PCDHGB2: variants seen among roughly 807,000 people sequenced by gnomAD.
PCDHGB2 encodes the protein protocadherin gamma-B2.
A neutral mutation model predicts 59.3 loss-of-function variants in PCDHGB2; 55 were observed. The ratio of observed to expected loss-of-function variants is 0.93; its 90% CI spans 0.75 to 1.16. The LOEUF (loss-of-function observed/expected upper bound fraction) is 1.16, where lower values mean the gene tolerates loss of function less well. Ranked by LOEUF, PCDHGB2 falls within the 50% of genes most tolerant of loss-of-function variation. The pLI is 0.00. For missense variants in PCDHGB2, 1,228 were observed against 1,198.5 expected (o/e 1.02, Z -0.36); for synonymous variants, 516 against 512.0 (o/e 1.01, Z -0.11).
In PCDHGB2 at chr5:141,399,495, T is replaced by G. The variant is rs779594817; in HGVS notation, c.2421+36939T>G. On this transcript the variant is annotated intron_variant, in intron 1 of 3. Transcript: ENST00000522605. ...TCCACCAGGCGTCCTACTTAGTCAGTGTACCCGAAAACAACCCTCCTGGGG... is the reference window on the plus strand; with the variant it reads ...TCCACCAGGCGTCCTACTTAGTCAGGGTACCCGAAAACAACCCTCCTGGGG... 1.1e-5 allele frequency: 18 copies of G among 1,613,916 alleles called. No individual in the cohort carries two copies. Among genetic ancestry groups the G allele is most frequent in the Non-Finnish European group, 1.5e-5 (18 of 1,179,912 alleles).
Position 141,424,165 on chromosome 5 carries a change from A to G in PCDHGB2, c.2421+61609A>G, listed in dbSNP as rs1328883463. 2.8e-5 allele frequency: 7 copies of G among 251,918 alleles called. No individual in the cohort carries two copies. The South Asian group carries it at 4.6e-4, about 17-fold the overall frequency. The allele number at this position is 251,918 out of a possible 1,614,324, so 15.6% of individuals were successfully genotyped here. On this transcript the variant is annotated intron_variant, in intron 1 of 3. Transcript: ENST00000522605. Reference sequence around the variant, plus strand: ...CTCCCTCTAGCTCTCCTTCTCATCTATCTATCTATACACATGCACACACAC... The same window carrying G: ...CTCCCTCTAGCTCTCCTTCTCATCTGTCTATCTATACACATGCACACACAC...
chr5:141,479,342 G>A (rs926832955), intron 1 of PCDHGB2: 1 of 152,486 alleles, frequency 6.6e-6, no homozygotes, highest in Admixed American at 6.5e-5. Flanking sequence ...TGCACCTGTA[G>A]TTCTTGCTGC....
At chr5:141,461,689 A>G (rs2099020485) in intron 1 of PCDHGB2, among the ~76,000 whole-genome samples, 1 of 152,120 alleles carries the variant, frequency 6.6e-6, no homozygotes, top group Admixed American at 6.6e-5. Context: ...GTTTATTTTG[A>G]GACAGAGTTT....
At chr5:141,417,798 C>T in intron 1 of PCDHGB2, 2 of 1,486,472 alleles carry the variant, frequency 1.3e-6, no homozygotes, top group Non-Finnish European at 1.8e-6. Context: ...GCTCTTTTAG[C>T]GCGGTAGAGT....
chr5:141,375,769 C>T, intron 1 of PCDHGB2: 1 of 1,614,238 alleles, frequency 6.2e-7, no homozygotes, highest in Non-Finnish European at 8.5e-7. Flanking sequence ...CGCCCGAGAT[C>T]CTGTACCCCG....
At chr5:141,366,777 G>T in intron 1 of PCDHGB2, 1 of 1,587,140 alleles carries the variant, frequency 6.3e-7, no homozygotes, top group South Asian at 1.1e-5. Flanking sequence ...CGGTAAGGAT[G>T]ACCAGAACAT....
At chr5:141,402,335 G>A (rs1157845729) in intron 1 of PCDHGB2, among the ~76,000 whole-genome samples, 1 of 151,508 alleles carries the variant, frequency 6.6e-6, no homozygotes, top group Non-Finnish European at 1.5e-5. Context: ...CAAATATATA[G>A]GTATAAAAAT....
intron 1 of PCDHGB2, chr5:141,370,440 A>G (rs1390213172): frequency 6.2e-7 from 1 of 1,605,404 alleles, no homozygotes; most frequent in Non-Finnish European, 8.5e-7. Flanking sequence ...GCAGAGGCGA[A>G]TGCTATTTCT....
chr5:141,505,381 C>T lies in PCDHGB2; in HGVS notation c.2481-12C>T. On this transcript the variant is annotated splice_polypyrimidine_tract_variant and intron_variant, in intron 2 of 3. Transcript: ENST00000522605. Reference sequence around the variant, plus strand: ...CTGGGAGTCTGTGCTCACCATCCTACTCTCTCCCCAGCTCCCAAAATGGCG... The same window carrying T: ...CTGGGAGTCTGTGCTCACCATCCTATTCTCTCCCCAGCTCCCAAAATGGCG... 1 of 1,614,064 alleles carries T rather than the reference C, an allele frequency of 6.2e-7. No homozygotes were observed.
At chr5:141,383,926 A>T in intron 1 of PCDHGB2, 1 of 1,613,888 alleles carries the variant, frequency 6.2e-7, no homozygotes. Flanking sequence ...TGTAAATGAT[A>T]ATGCTCCAGA....
At chr5:141,403,972 A>G in intron 1 of PCDHGB2, 1 of 1,613,968 alleles carries the variant, frequency 6.2e-7, no homozygotes, top group East Asian at 2.2e-5. Flanking sequence ...TGGAAGATGT[A>G]AATGACAATA....
chr5:141,395,547 TGTGTGTGTGTG>T (rs750624769), intron 1 of PCDHGB2: 54,616 of 173,956 alleles, frequency 0.31, 7,840 homozygotes, highest in East Asian at 0.41. Context: ...ATTGTTTGTG[TGTGTGTGTGTG>T]TGTGTGTGTG....
Position 141,485,609 on chromosome 5 carries a change from G to C in PCDHGB2, c.2422-9198G>C, listed in dbSNP as rs1432367043. On this transcript the variant is annotated intron_variant, in intron 1 of 3. Coordinates refer to ENST00000522605, the MANE Select transcript of PCDHGB2 (RefSeq NM_018923.3). The surrounding 1 kb of genome is among the most constrained non-coding windows in gnomAD (Gnocchi z 5.7). ...GCTGGACTTGGAAATTGGGGAGGCA[G>C]CTCCTCCAGGACAGCGTTTCCCGTT... The C allele has an allele frequency of 1.2e-6, 2 of 1,612,138 alleles. No homozygotes were observed. Among genetic ancestry groups the C allele is most frequent in the Non-Finnish European group, 1.7e-6 (2 of 1,178,664 alleles).
chr5:141,385,131 C>A lies in PCDHGB2; in HGVS notation c.2421+22575C>A, dbSNP rs371376308. Reference sequence around the variant, plus strand: ...CCACCTCGCACTTTGTGGGCATGGACGGGGTGCAGGCTTTCCTGCAGACCT... The same window carrying A: ...CCACCTCGCACTTTGTGGGCATGGAAGGGGTGCAGGCTTTCCTGCAGACCT... On this transcript the variant is annotated intron_variant, in intron 1 of 3. Transcript: ENST00000522605. The A allele has an allele frequency of 1.2e-6, 2 of 1,614,200 alleles. No homozygotes were observed. Among genetic ancestry groups the A allele is most frequent in the Non-Finnish European group, 1.7e-6 (2 of 1,180,056 alleles).
At position 141,415,171 on chromosome 5, in the gene PCDHGB2, G is replaced by A. The variant is rs748508713; in HGVS notation, c.2421+52615G>A. ...TCTCTCCGCCACTGTCACGCTCACC[G>A]TGGCCGTGGCCGACAGCATCCCCCA... On this transcript the variant is annotated intron_variant, in intron 1 of 3. Coordinates refer to ENST00000522605, the MANE Select transcript of PCDHGB2 (RefSeq NM_018923.3). 8 of 1,613,876 alleles carry A rather than the reference G, an allele frequency of 5.0e-6. No homozygotes were observed. In the South Asian group the frequency reaches 6.6e-5, roughly 13 times the overall value.
At chr5:141,397,753 A>G (rs1052800196) in intron 1 of PCDHGB2, among the ~76,000 whole-genome samples, 9 of 152,266 alleles carry the variant, frequency 5.9e-5, no homozygotes, top group African/African-American at 9.6e-5. Flanking sequence ...AGAAGTTGTT[A>G]TAATTTTTTA....
chr5:141,448,524 T>C (rs1177408162), intron 1 of PCDHGB2, among the ~76,000 whole-genome samples: 1 of 152,194 alleles, frequency 6.6e-6, no homozygotes, highest in Non-Finnish European at 1.5e-5. Context: ...TTATTAAGCA[T>C]CCTGTCAGCA....
chr5:141,424,127 A>T (rs901831932), intron 1 of PCDHGB2: 1 of 486,538 alleles, frequency 2.1e-6, no homozygotes, highest in African/African-American at 2.1e-5. Flanking sequence ...GATCCTGTTG[A>T]TTTAATAGCA....
chr5:141,402,746 T>C (rs956909207), intron 1 of PCDHGB2, among the ~76,000 whole-genome samples: 2 of 152,224 alleles, frequency 1.3e-5, no homozygotes, highest in African/African-American at 4.8e-5. Context: ...TGATCAACTC[T>C]AAGCGAAAAT....
Sources: gnomAD v4.1 joint callset for allele counts (sites outside exome capture counted in the v4.1 genomes callset) on GRCh38, gnomAD v4.1.1 for gene constraint, Gnocchi (gnomAD v3.1) non-coding constraint, MANE v1.5 for transcripts, NCBI Gene and HGNC (gene_info 2026-07-23, HGNC 2026-07-21) for gene names.